Variants in ADGRF5 observed in about 807,000 individuals in gnomAD.
ADGRF5 encodes the protein G-protein coupled receptor 116.
ADGRF5 carries 75 observed loss-of-function variants against 132.3 expected under a neutral mutation model. The ratio of observed to expected loss-of-function variants is 0.57; its 90% confidence interval spans 0.47 to 0.69. ADGRF5 has a LOEUF of 0.69. Ranked by LOEUF, ADGRF5 falls within the 30% of genes least tolerant of loss-of-function variation. The pLI is 0.00. For synonymous variants in ADGRF5, 629 were observed against 597.6 expected (o/e 1.05, Z -0.77); for missense variants, 1,516 against 1,630.6 (o/e 0.93, Z 1.21).
Position 46,881,507 on chromosome 6 carries a change from G to T in ADGRF5, c.762C>A (p.Ser254Arg). The T allele has an allele frequency of 5.0e-6, 8 of 1,612,992 alleles. No homozygotes were observed. Among genetic ancestry groups the T allele is most frequent in the Non-Finnish European group, 6.8e-6 (8 of 1,178,978 alleles). The change falls in exon 8 of 21, where the codon AGC becomes AGA. Residue 254 changes from serine to arginine, a missense_variant. Around this residue, in one of 2 missense-constraint regions of ADGRF5, gnomAD observed 945 missense variants for 929.4 expected, o/e 1.02. Transcript: ENST00000283296. ...AGTCCATTTTGTAGGTCTGATTGAGGCTCTGTACAACTTGTTCATTGGCTT... is the reference window on the plus strand; with the variant it reads ...AGTCCATTTTGTAGGTCTGATTGAGTCTCTGTACAACTTGTTCATTGGCTT... ...IHKANEQVVQ[S>R]LNQTYKMDYN...
At chr6:46,935,865 C>A (rs1777794595) in intron 1 of ADGRF5, among the ~76,000 whole-genome samples, 1 of 152,142 alleles carries the variant, frequency 6.6e-6, no homozygotes, top group Admixed American at 6.5e-5. Context: ...TTTGACTCCA[C>A]TTGACCCTGA....
intron 16 of ADGRF5, among the ~76,000 whole-genome samples, chr6:46,860,223 G>A (rs1047928878): frequency 1.3e-5 from 2 of 152,122 alleles, no homozygotes; most frequent in Non-Finnish European, 2.9e-5. Flanking sequence ...GTCTCTGAGT[G>A]CCTCATCACC....
At position 46,858,170 on chromosome 6, in the gene ADGRF5, G is replaced by T. The variant is rs1769273239; in HGVS notation, c.3733C>A (p.Leu1245Ile). 1 of 1,614,042 alleles carries T rather than the reference G, an allele frequency of 6.2e-7. No homozygotes were observed. Among genetic ancestry groups the T allele is most frequent in the Non-Finnish European group, 8.5e-7 (1 of 1,179,930 alleles). Residue 1245 changes from leucine (L) to isoleucine (I), a missense_variant, in exon 17 of 21, where the codon CTT becomes ATT. By Grantham distance (5) the Leu-to-Ile change is conservative. Transcript: ENST00000283296. ...GLTTVFPGTN[L>I]VFHIIFAILN... The stretch of plus-strand genomic sequence containing the variant: ...ATGGCAAATATGATATGGAACACAA[G>T]GTTGGTCCCTGGGAACACAGTGGTG...
rs1769518792 is a variant in ADGRF5 at position 46,859,817 on chromosome 6, C to CTGTTTTATTT, written c.2380-295_2380-294insAAATAAAACA. ...TTCAGCAGGCTGGCAGGGATATTTA[C>CTGTTTTATTT]TATTTTATTTTATTTTATTTTATTT... On this transcript the variant is annotated intron_variant, in intron 16 of 20. Transcript: ENST00000283296. 1.1e-4 allele frequency among the ~76,000 whole-genome samples: 16 copies of CTGTTTTATTT among 146,178 alleles called. No homozygotes were observed. In the South Asian group the frequency reaches 3.6e-3, roughly 33 times the overall value.
At chr6:46,954,553 C>A (rs1778650746) in intron 1 of ADGRF5, among the ~76,000 whole-genome samples, 1 of 152,128 alleles carries the variant, frequency 6.6e-6, no homozygotes. Context: ...TTTGAAAAAT[C>A]CATATGTCAT....
At chr6:46,903,332 C>A (rs1774970883) in intron 2 of ADGRF5, 1 of 152,228 alleles carries the variant, frequency 6.6e-6, no homozygotes, top group Non-Finnish European at 1.5e-5. Flanking sequence ...CCCCAGGGGA[C>A]TGTCTGAGCC....
At chr6:46,913,225 A>C (rs1776118618) in intron 1 of ADGRF5, among the ~76,000 whole-genome samples, 1 of 151,970 alleles carries the variant, frequency 6.6e-6, no homozygotes, top group Non-Finnish European at 1.5e-5. Context: ...GGGCTGGGCC[A>C]GGTGTCTCAC....
chr6:46,938,248 T>C (rs1777922291), intron 1 of ADGRF5, among the ~76,000 whole-genome samples: 2 of 152,166 alleles, frequency 1.3e-5, no homozygotes, highest in Admixed American at 1.3e-4. Flanking sequence ...ATCCTCCCTT[T>C]CCCTTCCTTT....
At position 46,889,770 on chromosome 6, in the gene ADGRF5, A is replaced by ATG. The variant is rs1166954176; in HGVS notation, c.158-1267_158-1266dup. Among the ~76,000 whole-genome samples, 5 of 97,052 alleles carry ATG rather than the reference A, an allele frequency of 5.2e-5. No homozygotes were observed. In the East Asian group the frequency reaches 9.0e-4, roughly 18 times the overall value. 63.7% of individuals were successfully genotyped at this position (97,052 alleles called of 152,430 possible). The stretch of plus-strand genomic sequence containing the variant: ...ATATAAACACTATATATAATATATT[A>ATG]TGTGTGTGTGTATATATATATATAT... On this transcript the variant is annotated intron_variant, in intron 3 of 20. Transcript: ENST00000283296.
chr6:46,854,873 T>G (rs558495277), intron 20 of ADGRF5: 1 of 499,724 alleles, frequency 2.0e-6, no homozygotes, highest in African/African-American at 2.0e-5. Context: ...TCCACCAGTT[T>G]CATAAGTAAT....
chr6:46,880,418 G>T (rs1772324747), intron 8 of ADGRF5, among the ~76,000 whole-genome samples: 1 of 151,890 alleles, frequency 6.6e-6, no homozygotes, highest in African/African-American at 2.4e-5. Flanking sequence ...AATATCAACT[G>T]CTTCTTATCA....
At chr6:46,899,693 C>A (rs1458197348) in intron 3 of ADGRF5, among the ~76,000 whole-genome samples, 2 of 147,856 alleles carry the variant, frequency 1.4e-5, no homozygotes, top group East Asian at 2.0e-4. Flanking sequence ...TTTTTTAAAG[C>A]AAAAAGAAAG....
chr6:46,899,699 G>T (rs1238737630), intron 3 of ADGRF5, among the ~76,000 whole-genome samples: 10 of 150,378 alleles, frequency 6.6e-5, no homozygotes, highest in Non-Finnish European at 1.5e-5. Context: ...AAAGCAAAAA[G>T]AAAGGCTTCT....
At chr6:46,920,912 T>C (rs1367478524) in intron 1 of ADGRF5, among the ~76,000 whole-genome samples, 1 of 152,112 alleles carries the variant, frequency 6.6e-6, no homozygotes, top group Non-Finnish European at 1.5e-5. Flanking sequence ...TCTTTTACGA[T>C]AAGAATATAG....
chr6:46,925,928 A>C (rs1261224070), upstream of ADGRF5, among the ~76,000 whole-genome samples: 1 of 151,828 alleles, frequency 6.6e-6, no homozygotes, highest in Non-Finnish European at 1.5e-5. Flanking sequence ...ATTTTCTTTT[A>C]TTTTTTAAGC....
At chr6:46,882,369 A>G (rs947454576) in intron 6 of ADGRF5, among the ~76,000 whole-genome samples, 1 of 152,184 alleles carries the variant, frequency 6.6e-6, no homozygotes. Flanking sequence ...TGGAGGGAGC[A>G]GGGAAGACAG....
At chr6:46,889,386 A>G (rs1453691336) in intron 3 of ADGRF5, among the ~76,000 whole-genome samples, 3 of 147,596 alleles carry the variant, frequency 2.0e-5, no homozygotes, top group Admixed American at 1.4e-4. Flanking sequence ...TATAGAGACT[A>G]CATAGTCTTT....
At chr6:46,896,211 C>T (rs191772660) in intron 3 of ADGRF5, among the ~76,000 whole-genome samples, 42 of 152,232 alleles carry the variant, frequency 2.8e-4, no homozygotes, top group Admixed American at 1.6e-3. Flanking sequence ...CTGTGGCAGC[C>T]GCTCAGCTGA....
rs1768697141 is a variant in ADGRF5 at position 46,853,463 on chromosome 6, A to T, written c.*529T>A. On this transcript the variant is annotated 3_prime_UTR_variant, in exon 21 of 21. Coordinates refer to ENST00000283296, the MANE Select transcript of ADGRF5 (RefSeq NM_001098518.2). ...TGAGTGATTATATTAGATCATTAAC[A>T]TGGAAATCTTACAATATGGCCCTTA... The T allele has an allele frequency of 6.5e-6, 1 of 153,280 alleles. No individual in the cohort carries two copies. The highest frequency in any genetic ancestry group is 1.4e-5 in the Non-Finnish European group (1 of 68,966). The allele number at this position is 153,280 out of a possible 1,614,324, so 9.5% of individuals were successfully genotyped here. A position where few individuals can be genotyped will look rare whatever the true frequency, so the allele number is the denominator to read the frequency against.
Sources: allele counts gnomAD v4.1 joint callset (sites outside exome capture counted in the v4.1 genomes callset), GRCh38; gene constraint gnomAD v4.1.1; regional missense constraint gnomAD v4.1.1; transcripts MANE v1.5; gene names NCBI Gene and HGNC (gene_info 2026-07-23, HGNC 2026-07-21).